The following APP variants were observed in gnomAD, a reference collection of about 807,000 sequenced individuals.
APP encodes the protein amyloid beta precursor protein.
A neutral mutation model predicts 101.4 loss-of-function variants in APP; 31 were observed. That is an observed-to-expected ratio of 0.31 (90% CI 0.23 to 0.41). The LOEUF is 0.41. Ranked by LOEUF, APP falls within the 10% of genes least tolerant of loss-of-function variation. The pLI is 1.00. For missense variants in APP, 839 were observed against 1,003.7 expected (o/e 0.84, Z 2.22); for synonymous variants, 366 against 364.4 (o/e 1.00, Z -0.05).
intron 13 of APP, among the ~76,000 whole-genome samples, chr21:25,950,583 T>A (rs542663923): frequency 3.9e-5 from 6 of 152,246 alleles, no homozygotes; most frequent in Non-Finnish European, 5.9e-5. Context: ...GGTTTCACCA[T>A]GTTGGCCACG....
At chr21:26,102,620 G>A (rs1220974986) in intron 2 of APP, among the ~76,000 whole-genome samples, 1 of 152,056 alleles carries the variant, frequency 6.6e-6, no homozygotes, top group Non-Finnish European at 1.5e-5. Flanking sequence ...GCCAGGCACA[G>A]TGGTTCGCAC....
At chr21:25,958,668 T>C (rs552687249) in intron 11 of APP, among the ~76,000 whole-genome samples, 8 of 152,180 alleles carry the variant, frequency 5.3e-5, no homozygotes, top group East Asian at 1.9e-4. Flanking sequence ...ATCTTTCAGA[T>C]AGTATTTGCA....
At chr21:25,890,722 C>CAAAAAAAA (rs10686276) in intron 17 of APP, among the ~76,000 whole-genome samples, 1 of 114,696 alleles carries the variant, frequency 8.7e-6, no homozygotes. Context: ...GAGACTGTCT[C>CAAAAAAAA]AAAAAAAAAA....
intron 13 of APP, among the ~76,000 whole-genome samples, chr21:25,912,888 C>T (rs2039153533): frequency 6.6e-6 from 1 of 150,966 alleles, no homozygotes; most frequent in Admixed American, 6.6e-5. Context: ...ATTTGTGAGT[C>T]TTCTCTTATG....
At chr21:26,121,833 T>G (rs1281175342) in intron 1 of APP, among the ~76,000 whole-genome samples, 2 of 152,190 alleles carry the variant, frequency 1.3e-5, no homozygotes, top group Non-Finnish European at 2.9e-5. Context: ...TTCTTTTATT[T>G]TTCCCCTCTA....
chr21:26,010,129 C>G (rs1568850098), intron 6 of APP, among the ~76,000 whole-genome samples: 1 of 150,988 alleles, frequency 6.6e-6, no homozygotes, highest in Non-Finnish European at 1.5e-5. Flanking sequence ...CTGGGAACAG[C>G]AGTGTCTCTG....
At chr21:26,144,644 T>C (rs1389859618) in intron 1 of APP, among the ~76,000 whole-genome samples, 2 of 152,208 alleles carry the variant, frequency 1.3e-5, no homozygotes, top group Non-Finnish European at 2.9e-5. Context: ...TCAATTCTCT[T>C]GAACAACTTT....
chr21:26,147,445 G>C (rs995537256), intron 1 of APP, among the ~76,000 whole-genome samples: 6 of 152,058 alleles, frequency 3.9e-5, no homozygotes, highest in Non-Finnish European at 8.8e-5. Flanking sequence ...CTTTATATAA[G>C]CTTTATTTTT....
At chr21:25,892,801 ACAACTTTTAT>A (rs1215891004) in intron 16 of APP, among the ~76,000 whole-genome samples, 1 of 152,246 alleles carries the variant, frequency 6.6e-6, no homozygotes, top group African/African-American at 2.4e-5. Flanking sequence ...GAAGCACACC[ACAACTTTTAT>A]CATCTTGTTA....
chr21:25,943,159 ACTT>A (rs1569086802), intron 13 of APP: 3 of 148,460 alleles, frequency 2.0e-5, no homozygotes, highest in Non-Finnish European at 2.9e-5. Context: ...TCATATATAT[ACTT>A]CTTTTTTTTT....
rs143192815 is a variant in APP, at chr21:26,013,673, TTCTC to T, written c.865+8163_865+8166del. Among the ~76,000 whole-genome samples the T allele has an allele frequency of 9.9e-3, 1,501 of 152,218 alleles. 22 individuals are homozygous for T. The highest frequency in any genetic ancestry group is 0.034 in the African/African-American group (1,426 of 41,514). ...TTTTTTTTTAATTGGTAAAGCCAGG[TTCTC>T]ACTATGTTGCCCAGGCTGGTGTCAA... On this transcript the variant is annotated intron_variant, in intron 6 of 17. Coordinates refer to ENST00000346798, the MANE Select transcript of APP (RefSeq NM_000484.4).
intron 8 of APP, among the ~76,000 whole-genome samples, chr21:25,996,626 A>C (rs762978589): frequency 2.0e-5 from 3 of 152,200 alleles, no homozygotes; most frequent in Non-Finnish European, 4.4e-5. Context: ...AATTACGCTT[A>C]TAATTATTAT....
At chr21:25,902,859 T>A (rs2146288499) in intron 15 of APP, among the ~76,000 whole-genome samples, 1 of 152,330 alleles carries the variant, frequency 6.6e-6, no homozygotes, top group South Asian at 2.1e-4. Flanking sequence ...ACCGTTTAAT[T>A]TCTTTCAAAC....
chr21:26,141,944 A>G lies in APP; in HGVS notation c.57+28620T>C, dbSNP rs188784844. ...GTAGCCAACACCCGGTACATACCCA[A>G]TTACATCCAGTTAGGTCACCTCTGT... On this transcript the variant is annotated intron_variant, in intron 1 of 17. Coordinates refer to ENST00000346798, the MANE Select transcript of APP (RefSeq NM_000484.4). 2.6e-5 allele frequency among the ~76,000 whole-genome samples: 4 copies of G among 152,340 alleles called. No homozygotes were observed. The South Asian group carries it at 6.2e-4, about 24-fold the overall frequency.
intron 1 of APP, among the ~76,000 whole-genome samples, chr21:26,118,993 T>C (rs541612996): frequency 6.6e-6 from 1 of 152,282 alleles, no homozygotes; most frequent in Non-Finnish European, 1.5e-5. Flanking sequence ...AACATGCAGA[T>C]AGAAAAAGGG....
intron 3 of APP, among the ~76,000 whole-genome samples, chr21:26,073,652 A>G (rs769123282): frequency 1.1e-4 from 16 of 152,224 alleles, no homozygotes; most frequent in Non-Finnish European, 1.5e-4. Context: ...GAGGAAAAAT[A>G]TGAGAAGGCT....
intron 16 of APP, 25 bp downstream of exon 16, chr21:25,897,548 G>A (rs926172729): frequency 1.3e-6 from 2 of 1,549,696 alleles, no homozygotes; most frequent in South Asian, 2.2e-5. Flanking sequence ...AACAGTAGTG[G>A]AAAGAGGTAA....
chr21:26,148,953 T>C (rs370388979), intron 1 of APP, among the ~76,000 whole-genome samples: 1 of 152,242 alleles, frequency 6.6e-6, no homozygotes, highest in East Asian at 1.9e-4. Context: ...AAGGTCTGAA[T>C]GACTCCAACA....
chr21:26,116,011 T>C (rs1288519512), intron 1 of APP, among the ~76,000 whole-genome samples: 1 of 152,246 alleles, frequency 6.6e-6, no homozygotes, highest in South Asian at 2.1e-4. Context: ...ACTGGCCGTT[T>C]GTGGTCTATG....
Sources: allele counts gnomAD v4.1 joint callset (sites outside exome capture counted in the v4.1 genomes callset), GRCh38; gene constraint gnomAD v4.1.1; transcripts MANE v1.5; gene names NCBI Gene and HGNC (gene_info 2026-07-23, HGNC 2026-07-21).